Variants in KANK2 observed in about 807,000 individuals in gnomAD.
KANK2 encodes the protein KN motif and ankyrin repeat domain-containing protein 2.
Under a neutral mutation model 74.6 loss-of-function variants are expected in KANK2, and 41 were observed. The observed-to-expected ratio is 0.55, with a 90% CI of 0.43 to 0.71. KANK2 has a LOEUF of 0.71. KANK2 is among the 30% of genes least tolerant of loss of function. The pLI, the probability that KANK2 is intolerant of heterozygous loss-of-function variation, is 0.00. For synonymous variants in KANK2, 537 were observed against 519.0 expected, an observed-to-expected ratio of 1.03 and a Z score of -0.47; for missense variants, 1,148 against 1,196.4, an observed-to-expected ratio of 0.96 and a Z score of 0.60.
In KANK2 at chr19:11,174,461, C is replaced by T. The variant is rs776139255; in HGVS notation, c.2068+12G>A. 45 of 1,594,424 alleles carry T rather than the reference C, an allele frequency of 2.8e-5. No individual in the cohort carries two copies. Among genetic ancestry groups the T allele is most frequent in the African/African-American group, 9.4e-5 (7 of 74,616 alleles). Reference sequence around the variant, plus strand: ...TGGTTTAGAGCCGCCTCGTCCTCCCCGCTGGGCTCACCGCTGTCGAGCAGC... The same window carrying T: ...TGGTTTAGAGCCGCCTCGTCCTCCCTGCTGGGCTCACCGCTGTCGAGCAGC... On this transcript the variant is annotated intron_variant, in intron 9 of 12. Coordinates refer to ENST00000586659, the MANE Select transcript of KANK2 (RefSeq NM_001136191.3).
intron 4 of KANK2, among the ~76,000 whole-genome samples, chr19:11,186,037 CAAACAAAACAATGAG>C (rs2078664908): frequency 6.6e-6 from 1 of 151,334 alleles, no homozygotes. Flanking sequence ...TCTCAAAAAA[CAAACAAAACAATGAG>C]GAGATACCAT....
chr19:11,190,891 C>A (rs1388422392), intron 4 of KANK2, among the ~76,000 whole-genome samples: 2 of 151,716 alleles, frequency 1.3e-5, no homozygotes, highest in African/African-American at 4.8e-5. Context: ...CCACCACGCC[C>A]GGCTAATTTT....
chr19:11,188,654 C>CAT (rs1352290168), intron 4 of KANK2, among the ~76,000 whole-genome samples: 15 of 151,198 alleles, frequency 9.9e-5, no homozygotes, highest in Non-Finnish European at 2.1e-4. Context: ...TTTTTTCCAC[C>CAT]TCTTCTGGTG....
intron 4 of KANK2, among the ~76,000 whole-genome samples, chr19:11,185,331 C>T (rs1334954173): frequency 6.7e-6 from 1 of 148,426 alleles, no homozygotes; most frequent in Non-Finnish European, 1.5e-5. Flanking sequence ...ACTACAGCTG[C>T]ACGCCACCAT....
chr19:11,176,130 A>G, intron 7 of KANK2, 141 bp from the exon 8 acceptor site: 1 of 618,068 alleles, frequency 1.6e-6, no homozygotes, highest in East Asian at 2.9e-5. Flanking sequence ...CGGGACACAC[A>G]TTTACATTGC....
Position 11,169,872 on chromosome 19 carries a change from C to G in KANK2, c.2502+5G>C. The G allele has an allele frequency of 6.2e-7, 1 of 1,613,064 alleles. No homozygotes were observed. The highest frequency in any genetic ancestry group is 8.5e-7 in the Non-Finnish European group (1 of 1,179,040). On this transcript the variant is annotated splice_donor_5th_base_variant and intron_variant, in intron 12 of 12. Transcript: ENST00000586659. ...CCGTGCCTACCCGGCCGGATTGAGA[C>G]TCACCGAGCACTTGATGTTCATGCG... is the stretch of plus-strand genomic sequence containing the variant.
intron 4 of KANK2, among the ~76,000 whole-genome samples, chr19:11,184,387 C>CAA (rs1568649238): frequency 6.7e-6 from 1 of 149,880 alleles, no homozygotes; most frequent in Admixed American, 6.8e-5. Context: ...AAAACAAAAA[C>CAA]AAAAACAAAA....
At position 11,166,485 on chromosome 19, in the gene KANK2, A is replaced by T. The variant is rs1165249088; in HGVS notation, c.*73T>A. On this transcript the variant is annotated 3_prime_UTR_variant, in exon 13 of 13. Coordinates refer to ENST00000586659, the MANE Select transcript of KANK2 (RefSeq NM_001136191.3). ...GTGTGAGTGGGGTGGGCCAGGGAGG[A>T]ACGGGAACAGGGAGGAGACGGGGAC... 3.6e-6 allele frequency: 5 copies of T among 1,407,876 alleles called. No individual in the cohort carries two copies. The highest frequency in any genetic ancestry group is 5.0e-6 in the Non-Finnish European group (5 of 994,222). The allele number at this position is 1,407,876 out of a possible 1,614,324, so 87.2% of individuals were successfully genotyped here.
chr19:11,177,779 C>G (rs897249161), intron 6 of KANK2, among the ~76,000 whole-genome samples: 2 of 152,166 alleles, frequency 1.3e-5, no homozygotes, highest in Non-Finnish European at 2.9e-5. Context: ...AGGCCCCAAA[C>G]CAACCATCAC....
intron 1 of KANK2, chr19:11,196,060 T>C (rs2147653668): frequency 6.6e-6 from 1 of 152,556 alleles, no homozygotes; most frequent in Non-Finnish European, 1.4e-5. Flanking sequence ...ATCAACTCTT[T>C]TTTTTTTTTT....
At chr19:11,171,699 G>A (rs898722358) in intron 10 of KANK2, among the ~76,000 whole-genome samples, 3 of 149,218 alleles carry the variant, frequency 2.0e-5, no homozygotes, top group African/African-American at 4.9e-5. Flanking sequence ...TTTTTTTTGA[G>A]ATGGAGTCTC....
chr19:11,192,271 C>T (rs1000449067), intron 4 of KANK2, among the ~76,000 whole-genome samples: 3 of 152,132 alleles, frequency 2.0e-5, no homozygotes, highest in Admixed American at 2.0e-4. Context: ...TTTCTGGATA[C>T]TGACAAAGTG....
rs2078998218 is a variant in KANK2, at chr19:11,195,695, C to T, written c.-153G>A. Reference sequence around the variant, plus strand: ...AGTCTCTCTGTGTCTCTCCACGTCTCTCTGTGTCTCTCCACGTCTCTGTCT... The same window carrying T: ...AGTCTCTCTGTGTCTCTCCACGTCTTTCTGTGTCTCTCCACGTCTCTGTCT... On this transcript the variant is annotated 5_prime_UTR_variant, in exon 2 of 13. Coordinates refer to ENST00000586659, the MANE Select transcript of KANK2 (RefSeq NM_001136191.3). 1 of 146,342 alleles carries T rather than the reference C, an allele frequency of 6.8e-6. No homozygotes were observed. The allele number at this position is 146,342 out of a possible 1,614,324, so 9.1% of individuals were successfully genotyped here.
At chr19:11,191,317 G>A (rs2078838125) in intron 4 of KANK2, among the ~76,000 whole-genome samples, 1 of 152,236 alleles carries the variant, frequency 6.6e-6, no homozygotes, top group Non-Finnish European at 1.5e-5. Context: ...GGGATTACAG[G>A]CGTGAGCCAC....
intron 9 of KANK2, among the ~76,000 whole-genome samples, chr19:11,173,836 G>A (rs2078249301): frequency 6.6e-6 from 1 of 152,114 alleles, no homozygotes; most frequent in East Asian, 1.9e-4. Context: ...TCACTCATTA[G>A]ACTAGGAGGG....
rs780982691 is a variant in KANK2 at position 11,178,663 on chromosome 19, G to C, written c.1307C>G (p.Ser436Cys). The part of the protein sequence containing the change: ...SSSPPGSEVA[S>C]LTQPEKSTGR... ...TGTGCTCTTCTCAGGCTGTGTAAGG[G>C]AGGCTACCTCGGACCCCGGGGGTGA... The change falls in exon 5 of 13, where the codon TCC becomes TGC. Residue 436 changes from serine (S) to cysteine (C), a missense_variant. By Grantham distance (112) the Ser-to-Cys change is moderately radical. Transcript: ENST00000586659. 1 of 1,561,712 alleles carries C rather than the reference G, an allele frequency of 6.4e-7. No homozygotes were observed. Among genetic ancestry groups the C allele is most frequent in the Non-Finnish European group, 8.6e-7 (1 of 1,160,368 alleles).
At chr19:11,192,797 A>G (rs762948475) in intron 4 of KANK2, 34 bp downstream of exon 4, 4 of 1,326,108 alleles carry the variant, frequency 3.0e-6, no homozygotes, top group Non-Finnish European at 2.1e-6. Flanking sequence ...CCCCCCCCCA[A>G]GCCATTCTCC....
rs749092200 is a variant in KANK2, at chr19:11,193,732, G to A, written c.348C>T (p.Thr116=). Residue 116 remains threonine (T), a synonymous_variant, in exon 4 of 13, where the codon ACC becomes ACT. Transcript: ENST00000586659. The surrounding 1 kb of genome is among the most constrained non-coding windows in gnomAD (Gnocchi z 9.6). ...GFYPQYGALE[T]RGGFNPRVER... ...CCACCCGCGGATTGAAGCCACCGCG[G>A]GTCTCCAGAGCACCATACTGAGGGT... 3 of 1,612,444 alleles carry A rather than the reference G, an allele frequency of 1.9e-6. No homozygotes were observed. Among genetic ancestry groups the A allele is most frequent in the Non-Finnish European group, 2.5e-6 (3 of 1,179,668 alleles).
chr19:11,181,567 C>T (rs1337129091), intron 4 of KANK2, among the ~76,000 whole-genome samples: 1 of 152,024 alleles, frequency 6.6e-6, no homozygotes, highest in Non-Finnish European at 1.5e-5. Context: ...CAGATTTAAA[C>T]AGACAGAAAA....
Sources: gnomAD v4.1 joint callset for allele counts (sites outside exome capture counted in the v4.1 genomes callset) on GRCh38, gnomAD v4.1.1 for gene constraint, Gnocchi (gnomAD v3.1) non-coding constraint, MANE v1.5 for transcripts, NCBI Gene and HGNC (gene_info 2026-07-23, HGNC 2026-07-21) for gene names.